NRXN3: variants seen among roughly 807,000 people sequenced by gnomAD.
The protein encoded by NRXN3 is neurexin III.
NRXN3 carries 32 observed loss-of-function variants against 137.6 expected under a neutral mutation model. That is an observed-to-expected ratio of 0.23 (90% confidence interval 0.18 to 0.31). NRXN3 has a LOEUF of 0.31. Ranked by LOEUF, NRXN3 falls within the 10% of genes least tolerant of loss-of-function variation. The pLI is 1.00. For synonymous variants in NRXN3, 798 were observed against 784.5 expected, an observed-to-expected ratio of 1.02 and a Z score of -0.29; for missense variants, 1,574 against 2,062.5, an observed-to-expected ratio of 0.76 and a Z score of 4.59.
intron 6 of NRXN3, among the ~76,000 whole-genome samples, chr14:78,707,655 C>A (rs1044071555): frequency 6.6e-6 from 1 of 152,102 alleles, no homozygotes; most frequent in Non-Finnish European, 1.5e-5. Flanking sequence ...GCACTCATCA[C>A]CCAAGCAGTA....
intron 16 of NRXN3, among the ~76,000 whole-genome samples, chr14:79,592,587 C>G (rs8017528): frequency 0.39 from 52,782 of 134,062 alleles, 9,807 homozygotes; most frequent in African/African-American, 0.6. Flanking sequence ...TCAATTTCTA[C>G]TGATAGTTAA....
intron 4 of NRXN3, among the ~76,000 whole-genome samples, chr14:78,468,889 C>A (rs2095190989): frequency 1.3e-5 from 2 of 151,896 alleles, no homozygotes; most frequent in Non-Finnish European, 2.9e-5. Flanking sequence ...AGGGAAGAGT[C>A]AAAGATGGCT....
At chr14:79,438,023 T>C (rs1309141714) in intron 15 of NRXN3, among the ~76,000 whole-genome samples, 1 of 152,218 alleles carries the variant, frequency 6.6e-6, no homozygotes, top group Non-Finnish European at 1.5e-5. Context: ...TGGCTTCTCT[T>C]GCAATAGCCA....
chr14:78,544,500 A>G (rs1035638820), intron 4 of NRXN3, among the ~76,000 whole-genome samples: 1 of 152,162 alleles, frequency 6.6e-6, no homozygotes. Context: ...GAACTTTATA[A>G]TCGGGAAAAG....
chr14:78,936,315 C>A (rs1303836749), intron 10 of NRXN3, among the ~76,000 whole-genome samples: 1 of 152,136 alleles, frequency 6.6e-6, no homozygotes, highest in Non-Finnish European at 1.5e-5. Flanking sequence ...CTGCAAACTA[C>A]AATCAGCAGG....
chr14:79,279,512 C>A lies in NRXN3; in HGVS notation c.3263-187709C>A, dbSNP rs901514636. 2.9e-5 allele frequency: 29 copies of A among 986,316 alleles called. 1 individual carries two copies. The African/African-American group carries it at 3.3e-4, about 11-fold the overall frequency. The allele number at this position is 986,316 out of a possible 1,614,324, so 61.1% of individuals were successfully genotyped here. ...TTCGCCCACCCACCTCCCTCCACCC[C>A]GTGCCACGTTGGTTTGGGTGGCTGC... is the stretch of plus-strand genomic sequence containing the variant. On this transcript the variant is annotated intron_variant, in intron 15 of 20. Coordinates refer to ENST00000335750, the MANE Select transcript of NRXN3 (RefSeq NM_001330195.2).
chr14:79,579,810 C>T (rs984625705), intron 16 of NRXN3, among the ~76,000 whole-genome samples: 10 of 152,186 alleles, frequency 6.6e-5, no homozygotes, highest in African/African-American at 2.4e-4. Flanking sequence ...CAAGTTCTCT[C>T]TTCTAGCTAC....
intron 16 of NRXN3, among the ~76,000 whole-genome samples, chr14:79,523,877 G>T (rs1170673011): frequency 6.6e-6 from 1 of 152,136 alleles, no homozygotes; most frequent in African/African-American, 2.4e-5. Context: ...TTTCTTTAAA[G>T]TGGAAGACCC....
At chr14:79,016,289 T>C (rs1301484776) in intron 15 of NRXN3, among the ~76,000 whole-genome samples, 7 of 152,170 alleles carry the variant, frequency 4.6e-5, no homozygotes, top group Non-Finnish European at 1.0e-4. Flanking sequence ...TTTGGTTTGG[T>C]TTAGAAGGTT....
intron 15 of NRXN3, among the ~76,000 whole-genome samples, chr14:79,271,976 A>G (rs941586816): frequency 3.9e-5 from 6 of 152,210 alleles, no homozygotes; most frequent in Non-Finnish European, 7.3e-5. Context: ...TAACTTGTTC[A>G]AAGTCATATA....
intron 4 of NRXN3, among the ~76,000 whole-genome samples, chr14:78,493,973 C>G (rs1196526618): frequency 6.6e-6 from 1 of 152,140 alleles, no homozygotes; most frequent in East Asian, 1.9e-4. Flanking sequence ...ATGTGAGATG[C>G]CTACAGAGGA....
At chr14:78,885,452 G>A (rs6574475) in intron 10 of NRXN3, among the ~76,000 whole-genome samples, 8,167 of 151,868 alleles carry the variant, frequency 0.054, 403 homozygotes, top group East Asian at 0.26. Flanking sequence ...GATTTTAACC[G>A]CCAAACAAAT....
At chr14:78,170,888 T>A (rs974822753) in intron 1 of NRXN3, among the ~76,000 whole-genome samples, 1 of 152,042 alleles carries the variant, frequency 6.6e-6, no homozygotes, top group Non-Finnish European at 1.5e-5. Context: ...CTCCTGGAAG[T>A]TGGGTCCTTT....
At chr14:78,233,445 G>T (rs2065731220) in intron 1 of NRXN3, among the ~76,000 whole-genome samples, 1 of 152,050 alleles carries the variant, frequency 6.6e-6, no homozygotes, top group Admixed American at 6.5e-5. Context: ...GAGTCATCTT[G>T]TTCCTCTGGA....
At chr14:78,815,083 TGA>T (rs2098927797) in intron 10 of NRXN3, among the ~76,000 whole-genome samples, 1 of 152,198 alleles carries the variant, frequency 6.6e-6, no homozygotes, top group African/African-American at 2.4e-5. Context: ...ATGGAAATTG[TGA>T]GTTTGTGTAT....
At chr14:78,622,622 C>T (rs989434787) in intron 4 of NRXN3, among the ~76,000 whole-genome samples, 6 of 151,886 alleles carry the variant, frequency 4.0e-5, no homozygotes, top group African/African-American at 7.3e-5. Context: ...ACAATGAATA[C>T]TGCCTCTTAA....
At chr14:78,900,143 A>T (rs542815108) in intron 10 of NRXN3, among the ~76,000 whole-genome samples, 3 of 152,132 alleles carry the variant, frequency 2.0e-5, no homozygotes, top group Admixed American at 2.0e-4. Flanking sequence ...TTCCATTTTT[A>T]GTTCTACAAA....
intron 1 of NRXN3, among the ~76,000 whole-genome samples, chr14:78,209,402 T>C (rs979658619): frequency 2.6e-5 from 4 of 152,246 alleles, no homozygotes; most frequent in African/African-American, 9.6e-5. Flanking sequence ...TCTTCCTATC[T>C]GCTCATGTGC....
intron 19 of NRXN3, among the ~76,000 whole-genome samples, chr14:79,719,128 C>T (rs1018799481): frequency 2.6e-5 from 4 of 152,042 alleles, no homozygotes; most frequent in African/African-American, 9.7e-5. Flanking sequence ...TCCCTTCGTC[C>T]CTTTGTTTGA....
Sources: gnomAD v4.1 joint callset for allele counts (sites outside exome capture counted in the v4.1 genomes callset) on GRCh38, gnomAD v4.1.1 for gene constraint, MANE v1.5 for transcripts, NCBI Gene and HGNC (gene_info 2026-07-23, HGNC 2026-07-21) for gene names.